TRANK1: variants seen among roughly 807,000 people sequenced by gnomAD.
The protein encoded by TRANK1 is tetratricopeptide repeat and ankyrin repeat containing 1, also known as TPR and ankyrin repeat-containing protein 1.
A neutral mutation model predicts 266.0 loss-of-function variants in TRANK1; 198 were observed. The observed-to-expected ratio is 0.74, with a 90% confidence interval of 0.66 to 0.84. The LOEUF (loss-of-function observed/expected upper bound fraction) is 0.84. TRANK1 is among the 40% of genes least tolerant of loss of function. TRANK1 has a pLI of 0.00. For synonymous variants in TRANK1, 1,396 were observed against 1,384.1 expected, an observed-to-expected ratio of 1.01 and a Z score of -0.19; for missense variants, 3,326 against 3,634.6, an observed-to-expected ratio of 0.92 and a Z score of 2.18.
chr3:36,934,171 C>T (rs1449679604), intron 1 of TRANK1, among the ~76,000 whole-genome samples: 1 of 152,216 alleles, frequency 6.6e-6, no homozygotes, highest in African/African-American at 2.4e-5. Flanking sequence ...AAGGCCCTTT[C>T]CTGGGAGTTT....
intron 1 of TRANK1, among the ~76,000 whole-genome samples, chr3:36,931,438 C>T (rs2125662762): frequency 6.6e-6 from 1 of 152,328 alleles, no homozygotes; most frequent in East Asian, 1.9e-4. Flanking sequence ...AGTACAGTGG[C>T]TCATGCTTGT....
chr3:36,829,440 A>G, intron 23 of TRANK1, 124 bp downstream of exon 23: 1 of 834,742 alleles, frequency 1.2e-6, no homozygotes, highest in Non-Finnish European at 2.0e-6. Flanking sequence ...TGATGCTCCT[A>G]GACAGTGAGA....
At chr3:36,845,174 A>G (rs2078899058) in intron 17 of TRANK1, among the ~76,000 whole-genome samples, 1 of 152,218 alleles carries the variant, frequency 6.6e-6, no homozygotes. Context: ...CACTATAAAC[A>G]GTTTTGCAAC....
chr3:36,919,098 C>G (rs2080178976), intron 1 of TRANK1, among the ~76,000 whole-genome samples: 1 of 152,168 alleles, frequency 6.6e-6, no homozygotes, highest in Admixed American at 6.5e-5. Context: ...CAAAGACGTA[C>G]AGTAGAGGTC....
intron 10 of TRANK1, among the ~76,000 whole-genome samples, chr3:36,862,312 T>C (rs1218591872): frequency 2.0e-5 from 3 of 152,200 alleles, no homozygotes; most frequent in Non-Finnish European, 4.4e-5. Context: ...TTGCATTTGC[T>C]AGTTTCCGCT....
chr3:36,871,130 T>C (rs895715872), intron 9 of TRANK1, among the ~76,000 whole-genome samples: 1 of 152,086 alleles, frequency 6.6e-6, no homozygotes, highest in Non-Finnish European at 1.5e-5. Context: ...GGCTCACATC[T>C]GTAATCCCAG....
At chr3:36,838,846 G>GGAGC in intron 18 of TRANK1, 130 bp from the exon 19 acceptor site, 2 of 850,228 alleles carry the variant, frequency 2.4e-6, no homozygotes, top group Middle Eastern at 4.5e-4. Context: ...CTGAGAAGGA[G>GGAGC]GAGCAGGAAG....
Position 36,832,327 on chromosome 3 carries a change from A to G in TRANK1, c.7256T>C (p.Val2419Ala), listed in dbSNP as rs1386996472. 6.2e-7 allele frequency: 1 copy of G among 1,614,032 alleles called. No homozygotes were observed. Among genetic ancestry groups the G allele is most frequent in the Admixed American group, 1.7e-5 (1 of 60,024 alleles). ...CTTGTAGTCTTCTGGGTTCCTGTAC[A>G]CGTAGAATTGATCAATGCAATTCTC... is the stretch of plus-strand genomic sequence containing the variant. ...LLENCIDQFY[V>A]YRNPEDYKRL... Residue 2419 changes from valine to alanine, a missense_variant, in exon 22 of 24, where the codon GTG (valine) becomes GCG (alanine). Transcript: ENST00000645898.
intron 13 of TRANK1, among the ~76,000 whole-genome samples, chr3:36,854,317 G>A (rs879702299): frequency 4.0e-5 from 6 of 151,708 alleles, no homozygotes; most frequent in Non-Finnish European, 8.8e-5. Context: ...CCGAGGTCAC[G>A]CCACTGCACT....
chr3:36,828,378 G>GAAGA lies in TRANK1; in HGVS notation c.8810-7_8810-4dup, dbSNP rs1228958626. 16 of 1,249,968 alleles carry GAAGA rather than the reference G, an allele frequency of 1.3e-5. No individual in the cohort carries two copies. Among genetic ancestry groups the GAAGA allele is most frequent in the Admixed American group, 2.1e-5 (1 of 46,786 alleles). The allele number at this position is 1,249,968 out of a possible 1,614,324, so 77.4% of individuals were successfully genotyped here. A position where few individuals can be genotyped will look rare whatever the true frequency, so the allele number is the denominator to read the frequency against. On this transcript the variant is annotated splice_region_variant and splice_polypyrimidine_tract_variant and intron_variant, in intron 23 of 23. Transcript: ENST00000645898. The stretch of plus-strand genomic sequence containing the variant: ...ATAATCATCTTCCTGAACAATACCT[G>GAAGA]AAGAAAGAAAGAAGGAAGGAAGGAA...
chr3:36,895,880 G>A (rs1559459853), intron 4 of TRANK1, 122 bp from the exon 5 acceptor site: 4 of 613,922 alleles, frequency 6.5e-6, no homozygotes, highest in East Asian at 2.9e-5. Flanking sequence ...CCTAAAGAAA[G>A]GCATTTTCAA....
chr3:36,871,972 CA>C (rs2079316357), intron 9 of TRANK1, among the ~76,000 whole-genome samples: 1 of 152,202 alleles, frequency 6.6e-6, no homozygotes, highest in Non-Finnish European at 1.5e-5. Context: ...TCTAGGGAAG[CA>C]CATTTAAATA....
At position 36,833,877 on chromosome 3, in the gene TRANK1, C is replaced by T. The variant is rs774017257; in HGVS notation, c.5706G>A (p.Lys1902=). The change falls in exon 22 of 24, where the codon AAG becomes AAA. Residue 1902 remains lysine (K), a synonymous_variant. Coordinates refer to ENST00000645898, the MANE Select transcript of TRANK1 (RefSeq NM_001329998.2). The stretch of plus-strand genomic sequence containing the variant: ...AAAACTGACTGGCAGAATAGGAGAG[C>T]TTGGAAATGGGAAGGGTCTTAGTCT... The part of the protein sequence containing the change: ...MLKTKTLPIS[K]LSYSASQFYL... 13 of 1,613,444 alleles carry T rather than the reference C, an allele frequency of 8.1e-6. No individual in the cohort carries two copies. In the East Asian group the frequency reaches 1.6e-4, roughly 19 times the overall value.
At chr3:36,830,636 T>C (rs1055224916) in intron 22 of TRANK1, among the ~76,000 whole-genome samples, 1 of 152,094 alleles carries the variant, frequency 6.6e-6, no homozygotes, top group African/African-American at 2.4e-5. Flanking sequence ...GTTTCTGGAG[T>C]ACCTGGGGAA....
At chr3:36,931,942 T>C (rs1351239791) in intron 1 of TRANK1, among the ~76,000 whole-genome samples, 1 of 152,116 alleles carries the variant, frequency 6.6e-6, no homozygotes, top group Non-Finnish European at 1.5e-5. Flanking sequence ...AAGGATCCCC[T>C]AGAAATAAAA....
intron 10 of TRANK1, among the ~76,000 whole-genome samples, chr3:36,862,472 A>C (rs2079155568): frequency 6.6e-6 from 1 of 152,194 alleles, no homozygotes; most frequent in South Asian, 2.1e-4. Context: ...AACTATTTAA[A>C]TCGGCATTTG....
In TRANK1 at chr3:36,839,588, C is replaced by T. The variant is rs186000707; in HGVS notation, c.5281-872G>A. 3.9e-5 allele frequency among the ~76,000 whole-genome samples: 6 copies of T among 152,286 alleles called. No individual in the cohort carries two copies. The South Asian group carries it at 8.3e-4, about 21-fold the overall frequency. On this transcript the variant is annotated intron_variant, in intron 18 of 23. Coordinates refer to ENST00000645898, the MANE Select transcript of TRANK1 (RefSeq NM_001329998.2). ...TGTTCCTTCTAACTGAAATGCTCTT[C>T]GGTCCTTTCCCTGTCTTGTTAACTT... is the stretch of plus-strand genomic sequence containing the variant.
chr3:36,883,532 T>C (rs778559984), intron 8 of TRANK1, among the ~76,000 whole-genome samples: 3 of 131,438 alleles, frequency 2.3e-5, no homozygotes, highest in Non-Finnish European at 4.8e-5. Context: ...TAACTCTTCA[T>C]GCAAAAAAAA....
intron 9 of TRANK1, among the ~76,000 whole-genome samples, chr3:36,872,825 A>G (rs2079329404): frequency 6.6e-6 from 1 of 152,156 alleles, no homozygotes; most frequent in African/African-American, 2.4e-5. Context: ...AAGAAAACAG[A>G]ATGCAAGGGG....
Sources: gnomAD v4.1 joint callset for allele counts (sites outside exome capture counted in the v4.1 genomes callset) on GRCh38, gnomAD v4.1.1 for gene constraint, MANE v1.5 for transcripts, NCBI Gene and HGNC (gene_info 2026-07-23, HGNC 2026-07-21) for gene names.